Variants in RIT2 observed in about 807,000 individuals in gnomAD.
The protein encoded by RIT2 is Ras like without CAAX 2.
In RIT2, 24 loss-of-function variants were observed where a neutral mutation model predicts 23.7. That is an observed-to-expected ratio of 1.01 (90% CI 0.73 to 1.43). The LOEUF (loss-of-function observed/expected upper bound fraction) is 1.43. Among genes scored for constraint, RIT2 ranks in the 40% most tolerant of loss-of-function variants. The pLI, the probability that RIT2 is intolerant of heterozygous loss-of-function variation, is 0.00. For synonymous variants in RIT2, 107 were observed against 91.1 expected, an observed-to-expected ratio of 1.17 and a Z score of -0.99; for missense variants, 236 against 266.9, an observed-to-expected ratio of 0.88 and a Z score of 0.81.
intron 4 of RIT2, among the ~76,000 whole-genome samples, chr18:42,810,000 T>C (rs1349491269): frequency 2.7e-5 from 4 of 146,410 alleles, no homozygotes; most frequent in African/African-American, 7.4e-5. Flanking sequence ...ATATAACATA[T>C]ATGTATAAGT....
At chr18:42,779,211 C>G (rs1306522424) in intron 4 of RIT2, among the ~76,000 whole-genome samples, 2 of 152,122 alleles carry the variant, frequency 1.3e-5, no homozygotes, top group Non-Finnish European at 2.9e-5. Flanking sequence ...TTTTATAAAA[C>G]TTGCCCTTGT....
At chr18:42,805,383 ACT>A (rs1359126817) in intron 4 of RIT2, among the ~76,000 whole-genome samples, 1 of 152,048 alleles carries the variant, frequency 6.6e-6, no homozygotes, top group Non-Finnish European at 1.5e-5. Flanking sequence ...ATACATGAAG[ACT>A]CTCTGAGCTC....
At chr18:42,886,032 A>G (rs1227158319) in intron 4 of RIT2, among the ~76,000 whole-genome samples, 4 of 152,134 alleles carry the variant, frequency 2.6e-5, no homozygotes, top group Non-Finnish European at 5.9e-5. Flanking sequence ...TAATTCAGCA[A>G]CCTTTATTTT....
At chr18:43,072,593 A>G (rs1912923738) in intron 1 of RIT2, among the ~76,000 whole-genome samples, 1 of 152,208 alleles carries the variant, frequency 6.6e-6, no homozygotes, top group Non-Finnish European at 1.5e-5. Flanking sequence ...AACTCTTGCT[A>G]AGTAGCTAGG....
At chr18:43,065,899 GA>G (rs920509145) in intron 1 of RIT2, among the ~76,000 whole-genome samples, 1 of 151,990 alleles carries the variant, frequency 6.6e-6, no homozygotes, top group African/African-American at 2.4e-5. Context: ...AGTTGGGGTA[GA>G]AAAAAACACA....
rs201108896 is a variant in RIT2 at position 43,105,712 on chromosome 18, C to CA, written c.103+9704dup. Among the ~76,000 whole-genome samples, 1,317 of 152,176 alleles carry CA rather than the reference C, an allele frequency of 8.7e-3. 29 individuals are homozygous for CA. Among genetic ancestry groups the CA allele is most frequent in the Admixed American group, 0.049 (748 of 15,270 alleles). ...GTTGTTAAGGGTAAATAAATAAAAACAAAGCTATCCATTTACGTTATAAAC... is the reference window on the plus strand; with the variant it reads ...GTTGTTAAGGGTAAATAAATAAAAACAAAAGCTATCCATTTACGTTATAAAC... On this transcript the variant is annotated intron_variant, in intron 1 of 4. Coordinates refer to ENST00000326695, the MANE Select transcript of RIT2 (RefSeq NM_002930.4).
chr18:42,917,130 A>G (rs1908931240), intron 4 of RIT2, among the ~76,000 whole-genome samples: 1 of 152,118 alleles, frequency 6.6e-6, no homozygotes, highest in South Asian at 2.1e-4. Context: ...TATGAATTAT[A>G]TCTTCCTACT....
chr18:43,030,764 T>C (rs755258881), intron 2 of RIT2, among the ~76,000 whole-genome samples: 1 of 152,094 alleles, frequency 6.6e-6, no homozygotes, highest in East Asian at 1.9e-4. Context: ...TAAATAGGTA[T>C]CATGAATTAT....
chr18:42,752,687 G>A (rs922266492), intron 4 of RIT2, among the ~76,000 whole-genome samples: 1 of 151,166 alleles, frequency 6.6e-6, no homozygotes, highest in Non-Finnish European at 1.5e-5. Context: ...TAAACAAATG[G>A]CACACAATAT....
At chr18:43,040,324 C>A (rs144398839) in intron 1 of RIT2, among the ~76,000 whole-genome samples, 7 of 152,258 alleles carry the variant, frequency 4.6e-5, no homozygotes, top group Non-Finnish European at 1.0e-4. Context: ...AACGCTATTT[C>A]CTAGCTCTGT....
intron 1 of RIT2, among the ~76,000 whole-genome samples, chr18:43,083,314 T>C (rs1053810329): frequency 6.6e-6 from 1 of 152,122 alleles, no homozygotes; most frequent in African/African-American, 2.4e-5. Context: ...CCAAAGTAAT[T>C]TATAGATTCA....
chr18:43,008,072 CA>C (rs1295084266), intron 2 of RIT2, among the ~76,000 whole-genome samples: 1 of 151,576 alleles, frequency 6.6e-6, no homozygotes, highest in Non-Finnish European at 1.5e-5. Context: ...TGTCTTTCCA[CA>C]AAATACCAAA....
chr18:42,839,095 A>C (rs1906695486), intron 4 of RIT2, among the ~76,000 whole-genome samples: 1 of 152,168 alleles, frequency 6.6e-6, no homozygotes, highest in African/African-American at 2.4e-5. Flanking sequence ...ATCCTAAACC[A>C]ATCCTTTGCA....
chr18:43,024,499 C>G (rs531805800), intron 2 of RIT2, among the ~76,000 whole-genome samples: 35 of 151,986 alleles, frequency 2.3e-4, no homozygotes, highest in Admixed American at 3.9e-4. Context: ...GGACATTAGC[C>G]TTGGCAAGTA....
chr18:43,022,641 T>G (rs748422945), intron 2 of RIT2, among the ~76,000 whole-genome samples: 27 of 152,106 alleles, frequency 1.8e-4, no homozygotes, highest in Non-Finnish European at 3.5e-4. Context: ...CATTTATTTA[T>G]TGGTAAGCTT....
intron 3 of RIT2, among the ~76,000 whole-genome samples, chr18:42,933,046 G>T (rs1909365380): frequency 6.6e-6 from 1 of 151,990 alleles, no homozygotes; most frequent in Non-Finnish European, 1.5e-5. Context: ...TGCTTAAACT[G>T]TGTTTAACAC....
intron 4 of RIT2, among the ~76,000 whole-genome samples, chr18:42,808,238 C>T (rs1295563811): frequency 6.6e-6 from 1 of 152,168 alleles, no homozygotes; most frequent in Admixed American, 6.6e-5. Flanking sequence ...AAAATATTAA[C>T]ATGAAGGTCT....
chr18:43,083,526 A>C (rs1913208067), intron 1 of RIT2, among the ~76,000 whole-genome samples: 1 of 152,184 alleles, frequency 6.6e-6, no homozygotes, highest in South Asian at 2.1e-4. Context: ...TCGTACCAAA[A>C]CAGAGACATA....
intron 2 of RIT2, among the ~76,000 whole-genome samples, chr18:43,010,510 G>A (rs565057077): frequency 7.2e-5 from 11 of 151,726 alleles, no homozygotes; most frequent in African/African-American, 2.4e-4. Flanking sequence ...GAAAATGATT[G>A]TATTTCTTCT....
Sources: gnomAD v4.1 joint callset for allele counts (sites outside exome capture counted in the v4.1 genomes callset) on GRCh38, gnomAD v4.1.1 for gene constraint, MANE v1.5 for transcripts, NCBI Gene and HGNC (gene_info 2026-07-23, HGNC 2026-07-21) for gene names.